The following RBMS2 variants were observed in gnomAD, a reference collection of about 807,000 sequenced individuals.
RBMS2 encodes the protein RNA binding motif single stranded interacting protein 2.
A neutral mutation model predicts 58.4 loss-of-function variants in RBMS2; 38 were observed. That is an observed-to-expected ratio of 0.65 (90% CI 0.50 to 0.85). RBMS2 has a LOEUF of 0.85. Among genes scored for constraint, RBMS2 ranks in the 40% least tolerant of loss-of-function variants. The pLI is 0.00. For synonymous variants in RBMS2, 151 were observed against 180.7 expected (o/e 0.84, Z 1.32); for missense variants, 367 against 503.7 (o/e 0.73, Z 2.60).
intron 1 of RBMS2, among the ~76,000 whole-genome samples, chr12:56,528,502 G>A (rs1873100218): frequency 6.6e-6 from 1 of 152,058 alleles, no homozygotes; most frequent in South Asian, 2.1e-4. Context: ...CAAATAGAAA[G>A]TAGGCAAAAC....
chr12:56,553,888 G>A (rs1252265019), intron 1 of RBMS2, among the ~76,000 whole-genome samples: 4 of 148,194 alleles, frequency 2.7e-5, no homozygotes, highest in East Asian at 4.0e-4. Context: ...GCAGTGACAC[G>A]ATCTCGGCTC....
intron 9 of RBMS2, among the ~76,000 whole-genome samples, chr12:56,583,888 T>A (rs1008805488): frequency 1.3e-5 from 2 of 152,236 alleles, no homozygotes; most frequent in African/African-American, 4.8e-5. Flanking sequence ...ATGTTATCTT[T>A]GTTACAAATT....
In RBMS2 at chr12:56,587,507, C is replaced by T. The variant is rs560275630; in HGVS notation, c.952-47C>T. ...AGCCACCGATCACTGCTTTAGGCAG[C>T]CTCACAGGATGCTGCAGCTAACCCT... On this transcript the variant is annotated intron_variant, in intron 10 of 13. Coordinates refer to ENST00000262031, the MANE Select transcript of RBMS2 (RefSeq NM_002898.4). 62 of 1,590,120 alleles carry T rather than the reference C, an allele frequency of 3.9e-5. No individual in the cohort carries two copies. In the South Asian group the frequency reaches 5.0e-4, roughly 13 times the overall value.
chr12:56,576,256 G>A (rs568183508), intron 5 of RBMS2, among the ~76,000 whole-genome samples: 1 of 152,216 alleles, frequency 6.6e-6, no homozygotes, highest in Admixed American at 6.5e-5. Flanking sequence ...AGAATTGCTT[G>A]AACCTGAGAG....
At position 56,551,133 on chromosome 12, in the gene RBMS2, G is replaced by A. The variant is rs866628362; in HGVS notation, c.67-11284G>A. ...AGACCCTGTTTCAAAAAAAAAAAAAGAAAAAAAAAAGGGATAGATCTCTGC... is the reference window on the plus strand; with the variant it reads ...AGACCCTGTTTCAAAAAAAAAAAAAAAAAAAAAAAAGGGATAGATCTCTGC... On this transcript the variant is annotated intron_variant, in intron 1 of 13. Coordinates refer to ENST00000262031, the MANE Select transcript of RBMS2 (RefSeq NM_002898.4). 8.4e-3 allele frequency among the ~76,000 whole-genome samples: 1,208 copies of A among 144,608 alleles called. 17 individuals are homozygous for A. The highest frequency in any genetic ancestry group is 0.027 in the African/African-American group (1,064 of 39,438). The allele number at this position is 144,608 out of a possible 152,430, so 94.9% of individuals were successfully genotyped here.
At chr12:56,546,735 C>T (rs1877319269) in intron 1 of RBMS2, among the ~76,000 whole-genome samples, 3 of 151,946 alleles carry the variant, frequency 2.0e-5, no homozygotes, top group African/African-American at 7.3e-5. Flanking sequence ...TCCCAAAGTG[C>T]TGGGATTACA....
At chr12:56,536,200 CAAAAAAAAA>C (rs71446560) in intron 1 of RBMS2, among the ~76,000 whole-genome samples, 17 of 76,416 alleles carry the variant, frequency 2.2e-4, no homozygotes, top group South Asian at 5.2e-4. Flanking sequence ...AACTCTGTCT[CAAAAAAAAA>C]AAAAAAAAAA....
At chr12:56,583,070 G>A (rs1325985955) in intron 9 of RBMS2, among the ~76,000 whole-genome samples, 4 of 152,180 alleles carry the variant, frequency 2.6e-5, no homozygotes, top group Admixed American at 2.0e-4. Flanking sequence ...AGATATGCCA[G>A]AATTCTTTAG....
At chr12:56,533,359 C>T (rs1874129744) in intron 1 of RBMS2, among the ~76,000 whole-genome samples, 2 of 149,552 alleles carry the variant, frequency 1.3e-5, no homozygotes, top group South Asian at 4.3e-4. Context: ...GCCTTGGCCT[C>T]CCAAAGTGCT....
chr12:56,565,712 A>G (rs1881230626), intron 2 of RBMS2, among the ~76,000 whole-genome samples: 1 of 152,130 alleles, frequency 6.6e-6, no homozygotes, highest in African/African-American at 2.4e-5. Flanking sequence ...CTTTCTAGGA[A>G]GGATGTTTCT....
At position 56,533,275 on chromosome 12, in the gene RBMS2, A is replaced by T. The variant is rs569269176; in HGVS notation, c.66+11186A>T. Among the ~76,000 whole-genome samples, 5 of 151,618 alleles carry T rather than the reference A, an allele frequency of 3.3e-5. No homozygotes were observed. The South Asian group carries it at 8.3e-4, about 25-fold the overall frequency. ...ACCACCACACCTGGCTAATTTTAAAATTTTTTTGTAGACACAGGGACTCGC... is the reference window on the plus strand; with the variant it reads ...ACCACCACACCTGGCTAATTTTAAATTTTTTTTGTAGACACAGGGACTCGC... On this transcript the variant is annotated intron_variant, in intron 1 of 13. Coordinates refer to ENST00000262031, the MANE Select transcript of RBMS2 (RefSeq NM_002898.4).
At chr12:56,531,254 T>C (rs572785736) in intron 1 of RBMS2, among the ~76,000 whole-genome samples, 22 of 152,232 alleles carry the variant, frequency 1.4e-4, no homozygotes, top group Non-Finnish European at 2.5e-4. Flanking sequence ...ATATAGCATC[T>C]TAGGCCTATC....
chr12:56,576,303 C>T (rs1883122538), intron 5 of RBMS2, among the ~76,000 whole-genome samples: 1 of 152,042 alleles, frequency 6.6e-6, no homozygotes. Flanking sequence ...CACCACTGCA[C>T]TCTAACATGA....
At chr12:56,532,518 G>A (rs184707425) in intron 1 of RBMS2, among the ~76,000 whole-genome samples, 47 of 147,148 alleles carry the variant, frequency 3.2e-4, no homozygotes, top group Admixed American at 1.6e-3. Flanking sequence ...CTCCAGCCTG[G>A]GCAACAAGAG....
chr12:56,574,804 A>G (rs1882859222), intron 5 of RBMS2, among the ~76,000 whole-genome samples: 1 of 152,192 alleles, frequency 6.6e-6, no homozygotes. Context: ...ATGTATTCAA[A>G]TGAGATCTAA....
Position 56,564,739 on chromosome 12 carries a change from C to A in RBMS2, c.233+2156C>A, listed in dbSNP as rs188277319. On this transcript the variant is annotated intron_variant, in intron 2 of 13. Transcript: ENST00000262031. The stretch of plus-strand genomic sequence containing the variant: ...CTGTAATTCCAGCACTTTGGGAGGC[C>A]AAGATGGGTGGATCACCTGAGGTCA... Among the ~76,000 whole-genome samples the A allele has an allele frequency of 4.0e-3, 613 of 152,270 alleles. 4 individuals are homozygous for A. The highest frequency in any genetic ancestry group is 0.014 in the African/African-American group (564 of 41,548).
Position 56,592,081 on chromosome 12 carries a change from A to C in RBMS2, c.*2948A>C, listed in dbSNP as rs1212453160. ...AGGAGGGATACTGTTTCTCCCATGAAATAGTCTAATTGGTTGGGTTGATGG... is the reference window on the plus strand; with the variant it reads ...AGGAGGGATACTGTTTCTCCCATGACATAGTCTAATTGGTTGGGTTGATGG... On this transcript the variant is annotated 3_prime_UTR_variant, in exon 14 of 14. Transcript: ENST00000262031. 2 of 152,110 alleles carry C rather than the reference A, an allele frequency of 1.3e-5. No individual in the cohort carries two copies. The highest frequency in any genetic ancestry group is 2.9e-5 in the Non-Finnish European group (2 of 68,030). 9.4% of individuals were successfully genotyped at this position (152,110 alleles called of 1,614,324 possible).
At chr12:56,582,637 G>T in intron 9 of RBMS2, among the ~76,000 whole-genome samples, 1 of 152,156 alleles carries the variant, frequency 6.6e-6, no homozygotes, top group East Asian at 1.9e-4. Context: ...TACAAACTCT[G>T]AGGATGGGGC....
At chr12:56,563,807 A>G (rs868861632) in intron 2 of RBMS2, among the ~76,000 whole-genome samples, 1 of 151,950 alleles carries the variant, frequency 6.6e-6, no homozygotes, top group Non-Finnish European at 1.5e-5. Context: ...ATTAAAAAAA[A>G]TTTTAAAACT....
Sources: allele counts gnomAD v4.1 joint callset (sites outside exome capture counted in the v4.1 genomes callset), GRCh38; gene constraint gnomAD v4.1.1; transcripts MANE v1.5; gene names NCBI Gene and HGNC (gene_info 2026-07-23, HGNC 2026-07-21).